Variants in GALNT13 observed in about 807,000 individuals in gnomAD.
The protein encoded by GALNT13 is UDP-GalNAc:polypeptide N-acetylgalactosaminyltransferase 13.
GALNT13 carries 28 observed loss-of-function variants against 64.2 expected under a neutral mutation model. The observed-to-expected ratio is 0.44, with a 90% CI of 0.32 to 0.60. The LOEUF (loss-of-function observed/expected upper bound fraction) is 0.60. GALNT13 is among the 20% of genes least tolerant of loss of function. The pLI is 0.05. For synonymous variants in GALNT13, 214 were observed against 224.6 expected (o/e 0.95, Z 0.42); for missense variants, 577 against 669.8 (o/e 0.86, Z 1.53).
At chr2:153,546,506 T>A in the GALNT13 span, among the ~76,000 whole-genome samples, 1 of 152,162 alleles carries the variant, frequency 6.6e-6, no homozygotes, top group African/African-American at 2.4e-5. Flanking sequence ...TATGAAAGGA[T>A]TAGTTAGAAC....
At chr2:154,042,742 T>C (rs946659899) in intron 3 of GALNT13, among the ~76,000 whole-genome samples, 7 of 149,732 alleles carry the variant, frequency 4.7e-5, no homozygotes, top group African/African-American at 1.7e-4. Flanking sequence ...CATTAATATT[T>C]ATTGAATAAA....
At chr2:154,334,083 C>G (rs1004245428) in intron 9 of GALNT13, among the ~76,000 whole-genome samples, 2 of 143,432 alleles carry the variant, frequency 1.4e-5, no homozygotes, top group Non-Finnish European at 3.0e-5. Context: ...GACTTTTTTT[C>G]TCTTCTCTTT....
intron 4 of GALNT13, among the ~76,000 whole-genome samples, chr2:154,166,125 C>A (rs1425716280): frequency 6.6e-6 from 1 of 152,138 alleles, no homozygotes; most frequent in Non-Finnish European, 1.5e-5. Context: ...AAATTGTTGG[C>A]TGGGCACTGT....
the GALNT13 span, among the ~76,000 whole-genome samples, chr2:153,537,133 GC>G: frequency 6.6e-6 from 1 of 152,198 alleles, no homozygotes; most frequent in Non-Finnish European, 1.5e-5. Context: ...GGTATGCTTT[GC>G]CTGCTGTATT....
the GALNT13 span, among the ~76,000 whole-genome samples, chr2:153,856,495 A>C: frequency 1.2e-4 from 19 of 152,244 alleles, no homozygotes; most frequent in East Asian, 1.5e-3. Context: ...CACCAAAGAG[A>C]TTATCCAAAT....
intron 4 of GALNT13, among the ~76,000 whole-genome samples, chr2:154,239,308 C>A (rs1054830400): frequency 1.8e-4 from 28 of 152,132 alleles, no homozygotes; most frequent in African/African-American, 2.4e-5. Flanking sequence ...TTGAAAAAAT[C>A]TTTTTTAAAA....
At chr2:154,171,718 T>C (rs760669805) in intron 4 of GALNT13, among the ~76,000 whole-genome samples, 18 of 152,162 alleles carry the variant, frequency 1.2e-4, no homozygotes, top group South Asian at 8.3e-4. Flanking sequence ...AGTGCTAAAG[T>C]GTTTCTCAGC....
intron 3 of GALNT13, among the ~76,000 whole-genome samples, chr2:154,052,829 C>T (rs541379528): frequency 7.2e-5 from 11 of 151,760 alleles, no homozygotes; most frequent in African/African-American, 1.9e-4. Flanking sequence ...CTCCGCCTCC[C>T]GGGTTCTCGC....
chr2:153,365,372 A>G, the GALNT13 span, among the ~76,000 whole-genome samples: 27 of 152,326 alleles, frequency 1.8e-4, no homozygotes, highest in African/African-American at 6.5e-4. Flanking sequence ...AATTGCAACA[A>G]AAGCCAAAAT....
chr2:153,771,886 G>A, the GALNT13 span, among the ~76,000 whole-genome samples: 2 of 152,118 alleles, frequency 1.3e-5, no homozygotes, highest in African/African-American at 2.4e-5. Flanking sequence ...GGATGGGTTG[G>A]ACCATACTCC....
At chr2:153,874,701 C>A (rs1204174239) in intron 1 of GALNT13, among the ~76,000 whole-genome samples, 1 of 152,042 alleles carries the variant, frequency 6.6e-6, no homozygotes, top group Non-Finnish European at 1.5e-5. Context: ...CTCCCCGCTC[C>A]TTTTTTGGGA....
chr2:153,677,228 G>A, the GALNT13 span, among the ~76,000 whole-genome samples: 11 of 149,448 alleles, frequency 7.4e-5, no homozygotes, highest in South Asian at 1.7e-3. Flanking sequence ...TTCTACATAC[G>A]AATAACATTT....
the GALNT13 span, among the ~76,000 whole-genome samples, chr2:153,310,758 G>C: frequency 6.6e-6 from 1 of 152,178 alleles, no homozygotes; most frequent in Admixed American, 6.5e-5. Flanking sequence ...AGTTACAGAT[G>C]GATTTTGAAC....
At chr2:154,206,354 T>TAG (rs74443497) in intron 4 of GALNT13, among the ~76,000 whole-genome samples, 11 of 151,926 alleles carry the variant, frequency 7.2e-5, no homozygotes, top group Admixed American at 2.0e-4. Flanking sequence ...CATATATATA[T>TAG]AGAGAGAGAG....
chr2:154,098,266 C>T (rs77952555), intron 3 of GALNT13, among the ~76,000 whole-genome samples: 5,180 of 151,834 alleles, frequency 0.034, 129 homozygotes, highest in Non-Finnish European at 0.049. Context: ...TCTCAAGATA[C>T]GACATGTAAA....
the GALNT13 span, among the ~76,000 whole-genome samples, chr2:153,549,237 T>TAA: frequency 6.6e-6 from 1 of 152,186 alleles, no homozygotes; most frequent in Non-Finnish European, 1.5e-5. Flanking sequence ...CTGCACACGT[T>TAA]AAAATGGGAA....
At chr2:153,665,347 T>G in the GALNT13 span, among the ~76,000 whole-genome samples, 2 of 152,196 alleles carry the variant, frequency 1.3e-5, no homozygotes, top group African/African-American at 4.8e-5. Context: ...AAAAGCTGAC[T>G]GAGGGCAAAG....
At chr2:154,373,107 CTT>C (rs915092935) in intron 9 of GALNT13, among the ~76,000 whole-genome samples, 6 of 151,970 alleles carry the variant, frequency 3.9e-5, no homozygotes, top group African/African-American at 1.2e-4. Context: ...GTACTGAAAA[CTT>C]ATATAAAAAA....
intron 3 of GALNT13, among the ~76,000 whole-genome samples, chr2:154,096,061 G>T (rs989589132): frequency 6.6e-6 from 1 of 151,956 alleles, no homozygotes; most frequent in African/African-American, 2.4e-5. Context: ...ATATATGTAT[G>T]TATAATAAGG....
Sources: allele counts gnomAD v4.1 joint callset (sites outside exome capture counted in the v4.1 genomes callset), GRCh38; gene constraint gnomAD v4.1.1; transcripts MANE v1.5; gene names NCBI Gene and HGNC (gene_info 2026-07-23, HGNC 2026-07-21).